RPS6KA1: variants seen among roughly 807,000 people sequenced by gnomAD.
RPS6KA1 encodes the protein ribosomal protein S6 kinase A1, also known as ribosomal protein S6 kinase alpha-1.
RPS6KA1 carries 48 observed loss-of-function variants against 91.3 expected under a neutral mutation model. That is an observed-to-expected ratio of 0.53 (90% CI 0.42 to 0.67). The LOEUF (loss-of-function observed/expected upper bound fraction) is 0.67, where lower values mean the gene tolerates loss of function less well. RPS6KA1 is among the 30% of genes least tolerant of loss of function. The probability of loss-of-function intolerance (pLI) is 0.00; values close to 1 mark genes in which losing one functional copy is unlikely to be tolerated. For missense variants in RPS6KA1, 719 were observed against 960.5 expected (o/e 0.75, Z 3.32); for synonymous variants, 359 against 384.7 (o/e 0.93, Z 0.78).
chr1:26,563,826 A>G (rs2076175518), intron 17 of RPS6KA1, among the ~76,000 whole-genome samples: 1 of 152,218 alleles, frequency 6.6e-6, no homozygotes, highest in African/African-American at 2.4e-5. Flanking sequence ...AATGAGGTTC[A>G]GATGGCTAAG....
chr1:26,552,996 G>A (rs1200747197), intron 6 of RPS6KA1: 2 of 275,766 alleles, frequency 7.3e-6, no homozygotes, highest in African/African-American at 4.5e-5. Flanking sequence ...TATGTAAAAA[G>A]TACTATTCTG....
At chr1:26,541,072 G>A (rs1197003612) in intron 2 of RPS6KA1, among the ~76,000 whole-genome samples, 1 of 151,970 alleles carries the variant, frequency 6.6e-6, no homozygotes, top group East Asian at 1.9e-4. Context: ...TTACAGGCAT[G>A]AGCCACCGCG....
chr1:26,565,135 G>A (rs1189834627), intron 17 of RPS6KA1, among the ~76,000 whole-genome samples: 1 of 152,126 alleles, frequency 6.6e-6, no homozygotes, highest in African/African-American at 2.4e-5. Context: ...CAAAGTTTCT[G>A]GCTGTTTGCT....
At position 26,573,365 on chromosome 1, in the gene RPS6KA1, T is replaced by G; in HGVS notation, c.2085+4T>G. 1.2e-6 allele frequency: 2 copies of G among 1,614,064 alleles called. No individual in the cohort carries two copies. Among genetic ancestry groups the G allele is most frequent in the Non-Finnish European group, 1.7e-6 (2 of 1,179,990 alleles). ...CCAGGACCTACAGCTTGTGAAGGTA[T>G]GGCCACCCTTGGGCTGCTGGGCATC... On this transcript the variant is annotated splice_donor_region_variant and intron_variant, in intron 21 of 21. Coordinates refer to ENST00000374168, the MANE Select transcript of RPS6KA1 (RefSeq NM_002953.4).
At position 26,554,520 on chromosome 1, in the gene RPS6KA1, G is replaced by A; in HGVS notation, c.614-76G>A. 6.5e-7 allele frequency: 1 copy of A among 1,542,688 alleles called. No individual in the cohort carries two copies. Among genetic ancestry groups the A allele is most frequent in the Non-Finnish European group, 8.8e-7 (1 of 1,137,008 alleles). The stretch of plus-strand genomic sequence containing the variant: ...TGATGCCTTCTGGCCTCTGGGCACG[G>A]GGGTTGGGTGTGCAAAGGGTGGCAG... On this transcript the variant is annotated intron_variant, in intron 8 of 21. Transcript: ENST00000374168. This position sits in a 1 kb window ranked among gnomAD's most constrained non-coding sequence, Gnocchi z 4.6.
intron 13 of RPS6KA1, among the ~76,000 whole-genome samples, chr1:26,557,985 C>G (rs866216366): frequency 9.2e-5 from 14 of 151,708 alleles, no homozygotes; most frequent in African/African-American, 3.4e-4. Context: ...TGTGTCAGCA[C>G]GCCTGGCTAA....
chr1:26,556,921 G>T, intron 12 of RPS6KA1, 77 bp from the exon 13 acceptor site: 1 of 1,280,318 alleles, frequency 7.8e-7, no homozygotes. Context: ...TCCAAGCCCA[G>T]CACCTCCTCC....
In RPS6KA1 at chr1:26,571,833, C is replaced by A. The variant is rs374498258; in HGVS notation, c.1753-16C>A. On this transcript the variant is annotated splice_polypyrimidine_tract_variant and intron_variant, in intron 18 of 21. Coordinates refer to ENST00000374168, the MANE Select transcript of RPS6KA1 (RefSeq NM_002953.4). This position sits in a 1 kb window ranked among gnomAD's most constrained non-coding sequence, Gnocchi z 5.1. The stretch of plus-strand genomic sequence containing the variant: ...CTGCCCCCCCAGACTGACCACCTCC[C>A]CTGCCCTGTTGCCAGGTGCTGAAGC... The A allele has an allele frequency of 3.7e-6, 6 of 1,606,572 alleles. No individual in the cohort carries two copies. In the South Asian group the frequency reaches 6.6e-5, roughly 18 times the overall value.
intron 17 of RPS6KA1, among the ~76,000 whole-genome samples, chr1:26,567,452 C>A (rs1025720979): frequency 7.0e-4 from 106 of 152,316 alleles, no homozygotes; most frequent in South Asian, 4.1e-4. Context: ...GCAGTCTCGG[C>A]TCACTGCAAC....
intron 2 of RPS6KA1, chr1:26,544,232 C>T (rs181643663): frequency 5.0e-4 from 227 of 455,936 alleles, no homozygotes; most frequent in African/African-American, 4.1e-3. Flanking sequence ...CTCTTTGCTG[C>T]CTACCTCTGT....
intron 17 of RPS6KA1, among the ~76,000 whole-genome samples, chr1:26,563,982 G>A (rs2076176840): frequency 1.3e-5 from 2 of 152,124 alleles, no homozygotes; most frequent in Admixed American, 6.5e-5. Flanking sequence ...AATTAGCTGG[G>A]CATGGTGGCC....
chr1:26,559,515 C>T (rs2076135496), intron 14 of RPS6KA1, among the ~76,000 whole-genome samples: 1 of 151,708 alleles, frequency 6.6e-6, no homozygotes, highest in African/African-American at 2.4e-5. Flanking sequence ...TACAGATATA[C>T]ACCACCACAC....
intron 1 of RPS6KA1, among the ~76,000 whole-genome samples, chr1:26,535,740 C>A (rs2075901513): frequency 6.6e-6 from 1 of 152,112 alleles, no homozygotes; most frequent in African/African-American, 2.4e-5. Flanking sequence ...GATTTTGAAT[C>A]CCCACTCACC....
At chr1:26,559,831 C>A (rs1358792347) in intron 14 of RPS6KA1, among the ~76,000 whole-genome samples, 1 of 152,150 alleles carries the variant, frequency 6.6e-6, no homozygotes, top group East Asian at 1.9e-4. Context: ...GTGGCTCATG[C>A]CTGTAATCCC....
chr1:26,556,765 C>T, intron 12 of RPS6KA1, 47 bp downstream of exon 12: 2 of 1,606,290 alleles, frequency 1.2e-6, no homozygotes, highest in Non-Finnish European at 1.7e-6. Flanking sequence ...GCTCAGCCAT[C>T]TTGGCCACAG....
rs374902293 is a variant in RPS6KA1 at position 26,530,073 on chromosome 1, GGC to G, written c.63+92_63+93del. 4,775 of 940,508 alleles carry G rather than the reference GGC, an allele frequency of 5.1e-3. 157 individuals are homozygous for G. In the African/African-American group the frequency reaches 0.074, roughly 14 times the overall value. The allele number at this position is 940,508 out of a possible 1,614,324, so 58.3% of individuals were successfully genotyped here. A position where few individuals can be genotyped will look rare whatever the true frequency, so the allele number is the denominator to read the frequency against. The stretch of plus-strand genomic sequence containing the variant: ...GCGGCCCGAAGCGCCGCTGCAGTCC[GGC>G]GGGCGCCCGCGAGGGCGCGAGTGCC... On this transcript the variant is annotated intron_variant, in intron 1 of 21. Transcript: ENST00000374168.
intron 2 of RPS6KA1, among the ~76,000 whole-genome samples, chr1:26,539,392 G>T (rs1240878134): frequency 6.6e-6 from 1 of 152,216 alleles, no homozygotes; most frequent in Non-Finnish European, 1.5e-5. Context: ...GCTGGAGAAA[G>T]AATTGGGCCT....
chr1:26,545,900 G>C, intron 2 of RPS6KA1: 1 of 1,570,746 alleles, frequency 6.4e-7, no homozygotes. Flanking sequence ...CTGCTGGGCG[G>C]ATGGAGCAGG....
chr1:26,553,684 G>T, intron 7 of RPS6KA1, 187 bp downstream of exon 7: 1 of 398,652 alleles, frequency 2.5e-6, no homozygotes, highest in Non-Finnish European at 4.6e-6. Flanking sequence ...CATTACCAAG[G>T]GCCAGGTACT....
Sources: gnomAD v4.1 joint callset for allele counts (sites outside exome capture counted in the v4.1 genomes callset) on GRCh38, gnomAD v4.1.1 for gene constraint, Gnocchi (gnomAD v3.1) non-coding constraint, MANE v1.5 for transcripts, NCBI Gene and HGNC (gene_info 2026-07-23, HGNC 2026-07-21) for gene names.